Variants in CDH18 observed in about 807,000 individuals in gnomAD.
CDH18 encodes the protein cadherin-18.
In CDH18, 31 loss-of-function variants were observed where a neutral mutation model predicts 67.9. The ratio of observed to expected loss-of-function variants is 0.46; its 90% CI spans 0.34 to 0.62. CDH18 has a LOEUF of 0.62. Among genes scored for constraint, CDH18 ranks in the 20% least tolerant of loss-of-function variants. The pLI is 0.01. For synonymous variants in CDH18, 362 were observed against 347.2 expected, an observed-to-expected ratio of 1.04 and a Z score of -0.48; for missense variants, 890 against 975.5, an observed-to-expected ratio of 0.91 and a Z score of 1.17.
At chr5:20,493,806 G>A (rs779130600) in intron 1 of CDH18, among the ~76,000 whole-genome samples, 1 of 152,102 alleles carries the variant, frequency 6.6e-6, no homozygotes, top group Non-Finnish European at 1.5e-5. Flanking sequence ...ATGGGTGGAT[G>A]CAAAGTGTGT....
At chr5:19,782,376 C>G (rs533840644) in intron 3 of CDH18, among the ~76,000 whole-genome samples, 1 of 152,174 alleles carries the variant, frequency 6.6e-6, no homozygotes, top group South Asian at 2.1e-4. Flanking sequence ...GCCCTTGACA[C>G]GTGGGGATTA....
chr5:19,573,827 G>A (rs549136936), intron 7 of CDH18, among the ~76,000 whole-genome samples: 1 of 152,132 alleles, frequency 6.6e-6, no homozygotes. Flanking sequence ...ATGGAAATAC[G>A]AATACCTGGA....
rs1437064712 is a variant in CDH18, at chr5:19,520,908, A to T, written c.1391-130T>A. On this transcript the variant is annotated intron_variant, in intron 9 of 12. Coordinates refer to ENST00000382275, the MANE Select transcript of CDH18 (RefSeq NM_004934.5). ...CATAGCTGGACTTTTGGCAAACGAC[A>T]ACTTTATGAAGGCGCTCTTTGCTAG... is the stretch of plus-strand genomic sequence containing the variant. The T allele has an allele frequency of 3.3e-6, 3 of 907,018 alleles. No individual in the cohort carries two copies. In the Admixed American group the frequency reaches 8.3e-5, roughly 25 times the overall value. The allele number at this position is 907,018 out of a possible 1,614,324, so 56.2% of individuals were successfully genotyped here.
At chr5:19,870,893 C>T (rs1183854870) in intron 2 of CDH18, among the ~76,000 whole-genome samples, 6 of 152,112 alleles carry the variant, frequency 3.9e-5, no homozygotes, top group African/African-American at 1.4e-4. Flanking sequence ...ATTCAGTCAT[C>T]TTTTCTTTGT....
chr5:20,100,123 C>G (rs2150575062), intron 2 of CDH18, among the ~76,000 whole-genome samples: 1 of 152,140 alleles, frequency 6.6e-6, no homozygotes, highest in Non-Finnish European at 1.5e-5. Flanking sequence ...TGGAGACATT[C>G]AACTATTTAG....
intron 2 of CDH18, among the ~76,000 whole-genome samples, chr5:20,081,631 A>G (rs1744483892): frequency 6.6e-6 from 1 of 152,178 alleles, no homozygotes; most frequent in East Asian, 1.9e-4. Flanking sequence ...AAAGAATATT[A>G]TGTCTTTTGC....
intron 1 of CDH18, chr5:20,305,548 C>T (rs937371276): frequency 1.3e-6 from 1 of 749,668 alleles, no homozygotes; most frequent in South Asian, 1.5e-5. Flanking sequence ...GGCTGGTGGT[C>T]GCGGGGCTGA....
chr5:19,827,297 A>G (rs1175434125), intron 3 of CDH18, among the ~76,000 whole-genome samples: 1 of 150,492 alleles, frequency 6.6e-6, no homozygotes, highest in Non-Finnish European at 1.5e-5. Context: ...CTTCAACACC[A>G]CACTGACAAT....
intron 2 of CDH18, among the ~76,000 whole-genome samples, chr5:20,024,334 G>A (rs1197858226): frequency 6.6e-6 from 1 of 152,150 alleles, no homozygotes; most frequent in Non-Finnish European, 1.5e-5. Context: ...TGGGACTGGG[G>A]TAGGGTGCTA....
intron 3 of CDH18, among the ~76,000 whole-genome samples, chr5:19,802,370 A>T (rs1777560640): frequency 6.6e-6 from 1 of 152,164 alleles, no homozygotes; most frequent in African/African-American, 2.4e-5. Flanking sequence ...GACAAGTAAA[A>T]TCTCTTTTTC....
chr5:19,558,208 A>G (rs1029137878), intron 8 of CDH18, among the ~76,000 whole-genome samples: 40 of 151,982 alleles, frequency 2.6e-4, no homozygotes, highest in African/African-American at 9.7e-4. Context: ...GGGTACAAAT[A>G]GACAATCTAA....
Position 20,270,455 on chromosome 5 carries a change from T to A in CDH18, c.-579-14950A>T, listed in dbSNP as rs1259403799. On this transcript the variant is annotated intron_variant, in intron 1 of 14. Transcript: ENST00000507958. ...ATACATAATTTCACACCAGTCAGAA[T>A]GGCTATTATTAAAAAGTCAAAAAAT... Among the ~76,000 whole-genome samples, 3 of 152,122 alleles carry A rather than the reference T, an allele frequency of 2.0e-5. No homozygotes were observed. The East Asian group carries it at 5.8e-4, about 29-fold the overall frequency.
intron 2 of CDH18, among the ~76,000 whole-genome samples, chr5:19,892,442 T>C (rs2150087236): frequency 6.6e-6 from 1 of 152,256 alleles, no homozygotes; most frequent in African/African-American, 2.4e-5. Context: ...ATTACCCTCA[T>C]AATCATCAAT....
intron 9 of CDH18, among the ~76,000 whole-genome samples, chr5:19,539,762 A>T (rs1749955956): frequency 6.6e-6 from 1 of 152,102 alleles, no homozygotes; most frequent in Admixed American, 6.6e-5. Context: ...ATTCACTATG[A>T]CCAGAACAGC....
rs35247774 is a variant in CDH18, at chr5:20,538,909, GT to G, written c.-580+36552del. 9.9e-4 allele frequency among the ~76,000 whole-genome samples: 118 copies of G among 118,718 alleles called. 2 individuals carry two copies. The highest frequency in any genetic ancestry group is 2.8e-3 in the African/African-American group (83 of 29,916). 77.9% of individuals were successfully genotyped at this position (118,718 alleles called of 152,430 possible). ...CCACATAGCCAACTGTTTTTTTTTT[GT>G]TTTTTTTTTTTTTTGTCGCCCAGGC... On this transcript the variant is annotated intron_variant, in intron 1 of 14. Coordinates refer to the CDH18 transcript ENST00000507958.
chr5:19,503,058 T>C lies in CDH18; in HGVS notation c.1564A>G (p.Arg522Gly), dbSNP rs1743522350. ...CGTTCATCAAGAAAGAAGTTAAACC[T>C]TGGTCCATTGGCAAAATCATCTTTA... is the stretch of plus-strand genomic sequence containing the variant. ...TDKDDFANGP[R>G]FNFFLDERLP... is the part of the protein sequence containing the mutation. Residue 522 changes from arginine to glycine, a missense_variant, in exon 11 of 13, where the codon AGG (arginine) becomes GGG (glycine). Physicochemically the swap from Arg to Gly is moderately radical, Grantham distance 125 (BLOSUM62 -2). This residue lies in a region of CDH18 where 656 missense variants were observed against 668.1 expected (regional missense o/e 0.98). Coordinates refer to ENST00000382275, the MANE Select transcript of CDH18 (RefSeq NM_004934.5). The C allele has an allele frequency of 6.2e-7, 1 of 1,612,530 alleles. No individual in the cohort carries two copies. Among genetic ancestry groups the C allele is most frequent in the Admixed American group, 1.7e-5 (1 of 59,916 alleles).
chr5:19,875,093 T>C (rs1786785473), intron 2 of CDH18, among the ~76,000 whole-genome samples: 1 of 152,302 alleles, frequency 6.6e-6, no homozygotes, highest in Non-Finnish European at 1.5e-5. Context: ...TGGTAGCCAC[T>C]GCATCCAACC....
intron 1 of CDH18, among the ~76,000 whole-genome samples, chr5:20,381,914 T>C (rs1206557688): frequency 6.6e-6 from 1 of 152,032 alleles, no homozygotes; most frequent in African/African-American, 2.4e-5. Flanking sequence ...ATAAGGACAT[T>C]TATACTATAA....
At chr5:19,713,593 A>C (rs1764981451) in intron 5 of CDH18, among the ~76,000 whole-genome samples, 4 of 152,250 alleles carry the variant, frequency 2.6e-5, no homozygotes, top group African/African-American at 7.2e-5. Context: ...TGTCAAAAGG[A>C]CACTATGATC....
Sources: gnomAD v4.1 joint callset for allele counts (sites outside exome capture counted in the v4.1 genomes callset) on GRCh38, gnomAD v4.1.1 for gene constraint, gnomAD v4.1.1 regional missense constraint, MANE v1.5 for transcripts, NCBI Gene and HGNC (gene_info 2026-07-23, HGNC 2026-07-21) for gene names.